The following AAK1 variants were observed in gnomAD, a reference collection of about 807,000 sequenced individuals.
AAK1 encodes AP2-associated protein kinase 1.
In AAK1, 37 loss-of-function variants were observed where a neutral mutation model predicts 116.0. The observed-to-expected ratio is 0.32, with a 90% CI of 0.25 to 0.42. The LOEUF is 0.42. AAK1 is among the 10% of genes least tolerant of loss of function. The pLI is 1.00. For missense variants in AAK1, 919 were observed against 1,170.6 expected, an observed-to-expected ratio of 0.79 and a Z score of 3.14; for synonymous variants, 458 against 439.9, an observed-to-expected ratio of 1.04 and a Z score of -0.51.
intron 3 of AAK1, among the ~76,000 whole-genome samples, chr2:69,550,760 T>G (rs1157315623): frequency 6.6e-6 from 1 of 152,090 alleles, no homozygotes; most frequent in Non-Finnish European, 1.5e-5. Flanking sequence ...GGATTACATG[T>G]GTACACAATC....
intron 21 of AAK1, 112 bp from the exon 22 acceptor site, chr2:69,476,075 A>T: frequency 6.8e-7 from 1 of 1,471,022 alleles, no homozygotes; most frequent in Non-Finnish European, 9.0e-7. Context: ...AACAAAAAAA[A>T]ACCAAAAAAA....
chr2:69,471,878 A>T lies in AAK1; in HGVS notation c.*3991T>A, dbSNP rs531648730. On this transcript the variant is annotated 3_prime_UTR_variant, in exon 22 of 22. Transcript: ENST00000409085. ...CTGTCAGGAGAGTAGGAAATAAGTA[A>T]TCAAAACAACCAAAAGTATTAATAA... 1.0e-6 allele frequency: 1 copy of T among 985,308 alleles called. No individual in the cohort carries two copies. Among genetic ancestry groups the T allele is most frequent in the Admixed American group, 6.1e-5 (1 of 16,284 alleles). 61.0% of individuals were successfully genotyped at this position (985,308 alleles called of 1,614,324 possible).
chr2:69,602,926 G>A (rs1004661099), intron 2 of AAK1, among the ~76,000 whole-genome samples: 1 of 152,194 alleles, frequency 6.6e-6, no homozygotes, highest in Non-Finnish European at 1.5e-5. Flanking sequence ...TTCAGTACAG[G>A]TGAAAAGAAA....
chr2:69,594,411 C>T (rs944243325), intron 2 of AAK1, among the ~76,000 whole-genome samples: 3 of 152,068 alleles, frequency 2.0e-5, no homozygotes, highest in Admixed American at 1.3e-4. Flanking sequence ...GTCATGTTAT[C>T]GTGAGGATAA....
At chr2:69,639,562 C>T (rs193038786) in intron 2 of AAK1, among the ~76,000 whole-genome samples, 114 of 152,298 alleles carry the variant, frequency 7.5e-4, no homozygotes, top group African/African-American at 2.7e-3. Context: ...GCTGATGCTA[C>T]CAGGGGAGGT....
chr2:69,549,897 C>T (rs943332515), intron 3 of AAK1, among the ~76,000 whole-genome samples: 5 of 152,212 alleles, frequency 3.3e-5, no homozygotes, highest in Non-Finnish European at 5.9e-5. Flanking sequence ...AATGCAGTTA[C>T]TACATCTTCC....
At chr2:69,492,129 A>G (rs968094914) in intron 17 of AAK1, among the ~76,000 whole-genome samples, 3 of 152,170 alleles carry the variant, frequency 2.0e-5, no homozygotes, top group Non-Finnish European at 2.9e-5. Context: ...GATCAAAGGT[A>G]CTTGTACGTG....
At chr2:69,547,449 A>C (rs1226638926) in intron 3 of AAK1, among the ~76,000 whole-genome samples, 1 of 152,204 alleles carries the variant, frequency 6.6e-6, no homozygotes, top group African/African-American at 2.4e-5. Context: ...AAAATTAGCA[A>C]AGGATCTGAA....
At chr2:69,612,807 CA>C (rs1193577642) in intron 2 of AAK1, among the ~76,000 whole-genome samples, 1 of 152,192 alleles carries the variant, frequency 6.6e-6, no homozygotes, top group East Asian at 1.9e-4. Context: ...GACAATCTCC[CA>C]GTTAGTCAAA....
chr2:69,643,294 AAGAG>A lies in AAK1; in HGVS notation c.-234-24_-234-21del. ...TTAAACCTGTGATGACAGAGGAAGAAAGAGAGGATGAATCAGTAACACGCTTAAA... is the reference window on the plus strand; with the variant it reads ...TTAAACCTGTGATGACAGAGGAAGAAAGGATGAATCAGTAACACGCTTAAA... On this transcript the variant is annotated intron_variant, in intron 1 of 21. Coordinates refer to ENST00000409085, the MANE Select transcript of AAK1 (RefSeq NM_014911.5). 2 of 1,370,188 alleles carry A rather than the reference AAGAG, an allele frequency of 1.5e-6. No homozygotes were observed. Among genetic ancestry groups the A allele is most frequent in the Non-Finnish European group, 1.9e-6 (2 of 1,069,410 alleles). The allele number at this position is 1,370,188 out of a possible 1,614,324, so 84.9% of individuals were successfully genotyped here.
At chr2:69,522,059 G>A (rs920181364) in intron 10 of AAK1, among the ~76,000 whole-genome samples, 1 of 152,156 alleles carries the variant, frequency 6.6e-6, no homozygotes, top group African/African-American at 2.4e-5. Flanking sequence ...ACTAATATAG[G>A]GAAGACTGCT....
rs374744925 is a variant in AAK1, at chr2:69,584,513, T to C, written c.164-27535A>G. ...AGACTTGTAGGGGTAACTTTTTCTC[T>C]TGGTGCCTTGGTTTCCCAACTTGTT... On this transcript the variant is annotated intron_variant, in intron 2 of 21. Transcript: ENST00000409085. Among the ~76,000 whole-genome samples the C allele has an allele frequency of 7.2e-5, 11 of 152,324 alleles. 1 individual carries two copies. The East Asian group carries it at 1.4e-3, about 19-fold the overall frequency.
chr2:69,490,923 C>CACA (rs1675495565), intron 17 of AAK1, among the ~76,000 whole-genome samples: 1 of 147,626 alleles, frequency 6.8e-6, no homozygotes, highest in African/African-American at 2.5e-5. Context: ...GTGTGTGTAC[C>CACA]CACACACACA....
chr2:69,543,388 G>T (rs972355260), intron 4 of AAK1, among the ~76,000 whole-genome samples: 5 of 152,108 alleles, frequency 3.3e-5, no homozygotes, highest in African/African-American at 4.8e-5. Flanking sequence ...TTTGGGATTA[G>T]CAACATATTT....
rs1572868852 is a variant in AAK1, at chr2:69,468,251, A to C, written c.*7618T>G. 1 of 985,312 alleles carries C rather than the reference A, an allele frequency of 1.0e-6. No individual in the cohort carries two copies. Among genetic ancestry groups the C allele is most frequent in the Admixed American group, 6.1e-5 (1 of 16,270 alleles). The allele number at this position is 985,312 out of a possible 1,614,324, so 61.0% of individuals were successfully genotyped here. A position where few individuals can be genotyped will look rare whatever the true frequency, so the allele number is the denominator to read the frequency against. The stretch of plus-strand genomic sequence containing the variant: ...GATTTATGTGGACAGACATAATCCT[A>C]ATTTCTCAGGCAAGTAAATTGATAT... On this transcript the variant is annotated 3_prime_UTR_variant, in exon 22 of 22. Transcript: ENST00000409085.
chr2:69,525,265 G>C (rs1166719104), intron 9 of AAK1, among the ~76,000 whole-genome samples, 153 bp from the exon 10 acceptor site: 1 of 152,230 alleles, frequency 6.6e-6, no homozygotes, highest in Non-Finnish European at 1.5e-5. Context: ...GTCTGGTAGA[G>C]GGAAGGAAAG....
Position 69,475,347 on chromosome 2 carries a change from C to A in AAK1, c.*522G>T. On this transcript the variant is annotated 3_prime_UTR_variant, in exon 22 of 22. Transcript: ENST00000409085. ...GTTTTACCCTTTCTTAAACCACACA[C>A]CCATCTCCAGGCTACTGCCTAGAGT... 2.0e-6 allele frequency: 2 copies of A among 986,862 alleles called. No homozygotes were observed. The highest frequency in any genetic ancestry group is 2.4e-6 in the Non-Finnish European group (2 of 830,784). The allele number at this position is 986,862 out of a possible 1,614,324, so 61.1% of individuals were successfully genotyped here.
At chr2:69,519,542 A>C (rs1187577481) in intron 11 of AAK1, among the ~76,000 whole-genome samples, 1 of 152,226 alleles carries the variant, frequency 6.6e-6, no homozygotes, top group Admixed American at 6.5e-5. Context: ...ATGTCTACAT[A>C]TTCAACTGGC....
chr2:69,598,918 A>C lies in AAK1; in HGVS notation c.164-41940T>G, dbSNP rs762458684. On this transcript the variant is annotated intron_variant, in intron 2 of 21. Coordinates refer to ENST00000409085, the MANE Select transcript of AAK1 (RefSeq NM_014911.5). ...TTTACAAGGAGATCATTACTTTTTG[A>C]TAGATTATGCTAAGGAACATCACAT... 7.8e-6 allele frequency: 3 copies of C among 386,404 alleles called. No homozygotes were observed. In the Admixed American group the frequency reaches 8.8e-5, roughly 11 times the overall value. The allele number at this position is 386,404 out of a possible 1,614,324, so 23.9% of individuals were successfully genotyped here. A position where few individuals can be genotyped will look rare whatever the true frequency, so the allele number is the denominator to read the frequency against.
Sources: allele counts gnomAD v4.1 joint callset (sites outside exome capture counted in the v4.1 genomes callset), GRCh38; gene constraint gnomAD v4.1.1; transcripts MANE v1.5; gene names NCBI Gene and HGNC (gene_info 2026-07-23, HGNC 2026-07-21).